The following AP3D1 variants were observed in gnomAD, a reference collection of about 807,000 sequenced individuals.
The protein encoded by AP3D1 is AP-3 complex subunit delta-1.
A neutral mutation model predicts 147.6 loss-of-function variants in AP3D1; 51 were observed. That is an observed-to-expected ratio of 0.35 (90% confidence interval 0.28 to 0.44). The LOEUF (loss-of-function observed/expected upper bound fraction) is 0.44, where lower values mean the gene tolerates loss of function less well. Ranked by LOEUF, AP3D1 falls within the 20% of genes least tolerant of loss-of-function variation. The pLI, the probability that AP3D1 is intolerant of heterozygous loss-of-function variation, is 1.00. For missense variants in AP3D1, 1,421 were observed against 1,624.2 expected, an observed-to-expected ratio of 0.87 and a Z score of 2.15; for synonymous variants, 760 against 663.0, an observed-to-expected ratio of 1.15 and a Z score of -2.25.
intron 1 of AP3D1, among the ~76,000 whole-genome samples, chr19:2,149,521 C>T (rs191141157): frequency 2.6e-4 from 36 of 138,992 alleles, no homozygotes; most frequent in Admixed American, 1.4e-3. Flanking sequence ...CCGGCCTGGG[C>T]AACAAGAGTG....
intron 9 of AP3D1, 146 bp downstream of exon 9, chr19:2,127,006 G>A (rs1439499261): frequency 7.4e-6 from 6 of 814,200 alleles, no homozygotes; most frequent in Non-Finnish European, 1.2e-5. Context: ...CTCCCAGCCA[G>A]CCCCAGGCCC....
At chr19:2,154,526 T>A (rs1269866448), upstream of AP3D1, among the ~76,000 whole-genome samples, 1 of 152,062 alleles carries the variant, frequency 6.6e-6, no homozygotes, top group African/African-American at 2.4e-5. Flanking sequence ...ATCTGCCTGC[T>A]TCAGCCTCCC....
chr19:2,151,773 TG>T (rs2019527230), upstream of AP3D1, among the ~76,000 whole-genome samples: 1 of 152,246 alleles, frequency 6.6e-6, no homozygotes, highest in African/African-American at 2.4e-5. Context: ...CATTGGTCAG[TG>T]GCCTCCGGAA....
At chr19:2,146,384 A>T (rs2019356457) in intron 1 of AP3D1, among the ~76,000 whole-genome samples, 1 of 152,148 alleles carries the variant, frequency 6.6e-6, no homozygotes, top group Non-Finnish European at 1.5e-5. Context: ...TGGGTGGGTT[A>T]CTTGAGGTCA....
intron 6 of AP3D1, among the ~76,000 whole-genome samples, chr19:2,130,053 C>G (rs1281296004): frequency 1.3e-5 from 2 of 152,232 alleles, no homozygotes; most frequent in Non-Finnish European, 2.9e-5. Context: ...AACAGCTACA[C>G]TAGGTGGAGG....
intron 31 of AP3D1, among the ~76,000 whole-genome samples, chr19:2,103,908 TGCCAA>T (rs2144983768): frequency 6.6e-6 from 1 of 150,904 alleles, no homozygotes; most frequent in East Asian, 2.0e-4. Context: ...TAGACCCCAA[TGCCAA>T]GATCACATCA....
rs772824283 is a variant in AP3D1, at chr19:2,111,769, G to T, written c.2847C>A (p.Gly949=). The T allele has an allele frequency of 5.6e-6, 9 of 1,612,704 alleles. No individual in the cohort carries two copies. The South Asian group carries it at 9.9e-5, about 18-fold the overall frequency. Residue 949 remains glycine (G), a synonymous_variant, in exon 25 of 32, where the codon GGC becomes GGA. Transcript: ENST00000643116. ...GAGGCTGCTTCTTGGACTTCTTCTTGCCTTTGGTCCGCTCCTCCTTCTCCT... is the reference window on the plus strand; with the variant it reads ...GAGGCTGCTTCTTGGACTTCTTCTTTCCTTTGGTCCGCTCCTCCTTCTCCT... The part of the protein sequence containing the change: ...HRKEKEERTK[G]KKKSKKQPPG...
At chr19:2,119,699 CAAAAAAA>C (rs954635585) in intron 14 of AP3D1, among the ~76,000 whole-genome samples, 3 of 25,336 alleles carry the variant, frequency 1.2e-4, no homozygotes, top group African/African-American at 1.6e-4. Flanking sequence ...GACTCTGTCT[CAAAAAAA>C]AAAAAAAAAA....
At position 2,101,108 on chromosome 19, in the gene AP3D1, C is replaced by G. The variant is rs1242271182; in HGVS notation, c.*1065G>C. On this transcript the variant is annotated 3_prime_UTR_variant, in exon 32 of 32. Transcript: ENST00000643116. ...GCAAATAAATTCTTATGTAACACAT[C>G]ATACAATTTCAAATCCTGGAATCAC... 1 of 152,610 alleles carries G rather than the reference C, an allele frequency of 6.6e-6. No individual in the cohort carries two copies. The highest frequency in any genetic ancestry group is 1.5e-5 in the Non-Finnish European group (1 of 68,044). 9.5% of individuals were successfully genotyped at this position (152,610 alleles called of 1,614,324 possible). A position where few individuals can be genotyped will look rare whatever the true frequency, so the allele number is the denominator to read the frequency against.
chr19:2,136,432 A>C, intron 4 of AP3D1, among the ~76,000 whole-genome samples: 1 of 152,188 alleles, frequency 6.6e-6, no homozygotes, highest in Non-Finnish European at 1.5e-5. Context: ...CCAGCTGCCC[A>C]TGAAAAGGGT....
chr19:2,162,763 A>C (rs117573834), intron 1 of AP3D1, among the ~76,000 whole-genome samples: 5,901 of 152,048 alleles, frequency 0.039, 200 homozygotes, highest in East Asian at 0.14. Flanking sequence ...TGTGGCAGTG[A>C]CTGCGGGACT....
chr19:2,105,880 G>A (rs1225525665), intron 31 of AP3D1, among the ~76,000 whole-genome samples: 1 of 152,132 alleles, frequency 6.6e-6, no homozygotes, highest in Admixed American at 6.5e-5. Flanking sequence ...CGGATCAGGA[G>A]TTTGAGACCA....
chr19:2,120,165 A>G (rs1183143470), intron 14 of AP3D1, among the ~76,000 whole-genome samples: 1 of 152,190 alleles, frequency 6.6e-6, no homozygotes, highest in Non-Finnish European at 1.5e-5. Context: ...AGCAAATCTC[A>G]TAAATTTCCA....
rs1214470680 is a variant in AP3D1, at chr19:2,114,966, C to T, written c.2350-145G>A. ...TGGCTCCACCAGAGGCTCCGCTCAGCGTCTAGGCACTAAGGGCGGCTGGGC... is the reference window on the plus strand; with the variant it reads ...TGGCTCCACCAGAGGCTCCGCTCAGTGTCTAGGCACTAAGGGCGGCTGGGC... On this transcript the variant is annotated intron_variant, in intron 20 of 31. Transcript: ENST00000643116. 1.6e-5 allele frequency: 15 copies of T among 942,470 alleles called. No individual in the cohort carries two copies. The Middle Eastern group carries it at 9.2e-4, about 58-fold the overall frequency. The allele number at this position is 942,470 out of a possible 1,614,324, so 58.4% of individuals were successfully genotyped here.
chr19:2,116,172 G>T, intron 18 of AP3D1, 35 bp downstream of exon 18: 1 of 1,608,040 alleles, frequency 6.2e-7, no homozygotes, highest in Admixed American at 1.7e-5. Context: ...AGGGTAGAGG[G>T]TGCTGAGGGA....
rs544555415 is a variant in AP3D1 at position 2,143,504 on chromosome 19, T to C, written c.97-4790A>G. Among the ~76,000 whole-genome samples, 435 of 151,980 alleles carry C rather than the reference T, an allele frequency of 2.9e-3. 3 individuals carry two copies. The highest frequency in any genetic ancestry group is 4.7e-3 in the Non-Finnish European group (320 of 67,942). Reference sequence around the variant, plus strand: ...ATCCGCCCACCTTGGCCTCTCAAAGTGCTGGGATTACAGGCGTGAGCCACC... The same window carrying C: ...ATCCGCCCACCTTGGCCTCTCAAAGCGCTGGGATTACAGGCGTGAGCCACC... On this transcript the variant is annotated intron_variant, in intron 1 of 31. Transcript: ENST00000643116.
At chr19:2,155,869 G>A (rs1395863653), upstream of AP3D1, among the ~76,000 whole-genome samples, 9 of 151,702 alleles carry the variant, frequency 5.9e-5, no homozygotes, top group East Asian at 1.9e-4. Flanking sequence ...TGGCTAACAC[G>A]GTGAAACACC....
chr19:2,133,497 T>A (rs2019001405), intron 4 of AP3D1: 1 of 151,842 alleles, frequency 6.6e-6, no homozygotes. Context: ...GTGGTCAAAA[T>A]ATGACAAGGC....
intron 31 of AP3D1, among the ~76,000 whole-genome samples, chr19:2,104,179 A>G (rs2018039737): frequency 6.7e-6 from 1 of 149,358 alleles, no homozygotes; most frequent in African/African-American, 2.5e-5. Flanking sequence ...CCGAGACACC[A>G]ACGCTGAGAC....
Sources: gnomAD v4.1 joint callset for allele counts (sites outside exome capture counted in the v4.1 genomes callset) on GRCh38, gnomAD v4.1.1 for gene constraint, MANE v1.5 for transcripts, NCBI Gene and HGNC (gene_info 2026-07-23, HGNC 2026-07-21) for gene names.